Variants in RGS6 observed in about 807,000 individuals in gnomAD.
The protein encoded by RGS6 is regulator of G protein signaling 6.
A neutral mutation model predicts 78.5 loss-of-function variants in RGS6; 30 were observed. The observed-to-expected ratio is 0.38, with a 90% CI of 0.29 to 0.52. The LOEUF (loss-of-function observed/expected upper bound fraction) is 0.52, where lower values mean the gene tolerates loss of function less well. Ranked by LOEUF, RGS6 falls within the 20% of genes least tolerant of loss-of-function variation. The pLI, the probability that RGS6 is intolerant of heterozygous loss-of-function variation, is 0.85. For synonymous variants in RGS6, 206 were observed against 206.0 expected (o/e 1.00, Z 0.00); for missense variants, 495 against 609.7 (o/e 0.81, Z 1.98).
At chr14:72,523,543 C>T (rs2097079064) in intron 15 of RGS6, among the ~76,000 whole-genome samples, 1 of 152,112 alleles carries the variant, frequency 6.6e-6, no homozygotes, top group South Asian at 2.1e-4. Context: ...TGGGGTGCAG[C>T]CTCTCTCCAA....
intron 3 of RGS6, among the ~76,000 whole-genome samples, chr14:72,368,732 CTCT>C (rs919963605): frequency 9.9e-5 from 15 of 152,152 alleles, no homozygotes; most frequent in African/African-American, 3.6e-4. Context: ...GTCTTTGTTA[CTCT>C]TCTTCTGCTT....
At chr14:72,426,423 G>T (rs953948544) in intron 3 of RGS6, among the ~76,000 whole-genome samples, 1 of 152,166 alleles carries the variant, frequency 6.6e-6, no homozygotes, top group Non-Finnish European at 1.5e-5. Flanking sequence ...GGCCTGCAAA[G>T]GTGTAGAGCA....
At chr14:71,892,168 C>T in the RGS6 span, among the ~76,000 whole-genome samples, 1 of 152,138 alleles carries the variant, frequency 6.6e-6, no homozygotes, top group Admixed American at 6.5e-5. Context: ...AATTCCTTCA[C>T]AACAAAACAC....
chr14:72,122,183 C>T (rs773236649), intron 2 of RGS6, among the ~76,000 whole-genome samples: 2 of 152,110 alleles, frequency 1.3e-5, no homozygotes, highest in African/African-American at 2.4e-5. Context: ...TCTTTTATTT[C>T]CACTCTTGAT....
rs531986566 is a variant in RGS6 at position 72,315,738 on chromosome 14, G to C, written c.85-36357G>C. Among the ~76,000 whole-genome samples, 4 of 152,304 alleles carry C rather than the reference G, an allele frequency of 2.6e-5. 1 individual carries two copies. The South Asian group carries it at 8.3e-4, about 32-fold the overall frequency. On this transcript the variant is annotated intron_variant, in intron 2 of 17. Coordinates refer to ENST00000553525, the MANE Select transcript of RGS6 (RefSeq NM_001204424.2). Reference sequence around the variant, plus strand: ...CCAGCCCTGTAGGGTTCCTAGCTCTGCTTTTCCAGATGAAGAGCCAAGACC... The same window carrying C: ...CCAGCCCTGTAGGGTTCCTAGCTCTCCTTTTCCAGATGAAGAGCCAAGACC...
chr14:72,357,525 A>G (rs1215784454), intron 3 of RGS6, among the ~76,000 whole-genome samples: 6 of 152,190 alleles, frequency 3.9e-5, no homozygotes, highest in Non-Finnish European at 5.9e-5. Context: ...TGGAGATGAG[A>G]AACTTGTTAG....
chr14:72,514,518 C>G (rs943328512), intron 14 of RGS6, among the ~76,000 whole-genome samples: 3 of 152,362 alleles, frequency 2.0e-5, no homozygotes, highest in Admixed American at 2.0e-4. Flanking sequence ...CAGCCCTGTT[C>G]TCCACTGCTT....
At chr14:72,324,859 G>T (rs2073260428) in intron 2 of RGS6, among the ~76,000 whole-genome samples, 1 of 152,056 alleles carries the variant, frequency 6.6e-6, no homozygotes, top group African/African-American at 2.4e-5. Flanking sequence ...ATAATCCTTT[G>T]GGTATATATC....
chr14:72,418,582 A>G (rs1225837119), intron 3 of RGS6, among the ~76,000 whole-genome samples: 1 of 152,004 alleles, frequency 6.6e-6, no homozygotes, highest in Non-Finnish European at 1.5e-5. Context: ...GGACAGCCAG[A>G]TACAGGCTGA....
intron 2 of RGS6, among the ~76,000 whole-genome samples, chr14:72,332,411 T>G (rs74659241): frequency 0.025 from 3,781 of 152,238 alleles, 66 homozygotes; most frequent in Non-Finnish European, 0.036. Flanking sequence ...TTGGAACCAA[T>G]GAGAGAAAAA....
At chr14:72,442,868 T>G (rs1016226765) in intron 3 of RGS6, among the ~76,000 whole-genome samples, 2 of 152,350 alleles carry the variant, frequency 1.3e-5, no homozygotes, top group South Asian at 2.1e-4. Flanking sequence ...AATCTCAGGC[T>G]TCTCGTCATA....
chr14:71,972,637 G>T (rs1045761616), intron 2 of RGS6, among the ~76,000 whole-genome samples: 1 of 152,118 alleles, frequency 6.6e-6, no homozygotes, highest in African/African-American at 2.4e-5. Context: ...ATGGGTGATC[G>T]ATGTGGAAGG....
intron 14 of RGS6, among the ~76,000 whole-genome samples, chr14:72,515,017 A>T (rs1352627634): frequency 1.3e-5 from 2 of 152,176 alleles, no homozygotes; most frequent in African/African-American, 4.8e-5. Flanking sequence ...CTGAATTTCA[A>T]ATTGACACAA....
intron 2 of RGS6, among the ~76,000 whole-genome samples, chr14:72,330,772 A>G (rs2074835933): frequency 6.6e-6 from 1 of 152,116 alleles, no homozygotes. Flanking sequence ...GGAGTGGCCA[A>G]TTCATTATCG....
chr14:72,080,297 TC>T (rs756196677), intron 2 of RGS6, among the ~76,000 whole-genome samples: 9 of 152,198 alleles, frequency 5.9e-5, no homozygotes, highest in Non-Finnish European at 1.3e-4. Flanking sequence ...TATTTTTTTT[TC>T]ATATACCTGT....
At chr14:72,265,931 G>A (rs1171126973) in intron 2 of RGS6, among the ~76,000 whole-genome samples, 1 of 9,380 alleles carries the variant, frequency 1.1e-4, no homozygotes, top group Non-Finnish European at 2.6e-4. Flanking sequence ...CAGTCCTATC[G>A]CTTTTTTGGG....
chr14:72,338,681 T>C (rs971118832), intron 2 of RGS6, among the ~76,000 whole-genome samples: 2 of 152,212 alleles, frequency 1.3e-5, no homozygotes, highest in Admixed American at 6.5e-5. Context: ...CTATACAAAC[T>C]GGGGCTTGTT....
chr14:71,890,140 G>T, the RGS6 span, among the ~76,000 whole-genome samples: 1 of 152,030 alleles, frequency 6.6e-6, no homozygotes, highest in Admixed American at 6.6e-5. Context: ...TCAGTCTCTG[G>T]TATTTCTTTA....
chr14:71,916,476 C>T, the RGS6 span, among the ~76,000 whole-genome samples: 37 of 152,228 alleles, frequency 2.4e-4, no homozygotes, highest in East Asian at 6.9e-3. Flanking sequence ...AAGGGAAATA[C>T]GTTTTTTTGA....
Sources: gnomAD v4.1 joint callset for allele counts (sites outside exome capture counted in the v4.1 genomes callset) on GRCh38, gnomAD v4.1.1 for gene constraint, MANE v1.5 for transcripts, NCBI Gene and HGNC (gene_info 2026-07-23, HGNC 2026-07-21) for gene names.